Variants in MEGF11 observed in about 807,000 individuals in gnomAD.
MEGF11 encodes the protein multiple epidermal growth factor-like domains protein 11.
MEGF11 carries 126 observed loss-of-function variants against 146.6 expected under a neutral mutation model. The observed-to-expected ratio is 0.86, with a 90% CI of 0.74 to 1.00. The LOEUF (loss-of-function observed/expected upper bound fraction) is 1.00. MEGF11 is among the 50% of genes least tolerant of loss of function. The pLI, the probability that MEGF11 is intolerant of heterozygous loss-of-function variation, is 0.00. For synonymous variants in MEGF11, 532 were observed against 583.4 expected, an observed-to-expected ratio of 0.91 and a Z score of 1.27; for missense variants, 1,509 against 1,521.2, an observed-to-expected ratio of 0.99 and a Z score of 0.13.
intron 1 of MEGF11, among the ~76,000 whole-genome samples, chr15:66,137,560 T>TC (rs2088949186): frequency 4.3e-5 from 1 of 23,504 alleles, no homozygotes; most frequent in South Asian, 1.7e-3. Context: ...ACTTTCTTTC[T>TC]TTTTTTTTTT....
intron 5 of MEGF11, 76 bp downstream of exon 5, chr15:66,094,326 G>C (rs2086444304): frequency 7.9e-7 from 1 of 1,266,452 alleles, no homozygotes; most frequent in Non-Finnish European, 1.1e-6. Flanking sequence ...CAAAAATGTA[G>C]CATGCACACA....
At chr15:65,930,314 C>T (rs2079528918) in intron 11 of MEGF11, among the ~76,000 whole-genome samples, 1 of 152,232 alleles carries the variant, frequency 6.6e-6, no homozygotes, top group African/African-American at 2.4e-5. Flanking sequence ...GCAGGCTGCA[C>T]ATCCCAGGCT....
chr15:65,948,226 C>G (rs1413928752), intron 10 of MEGF11, among the ~76,000 whole-genome samples: 5 of 152,098 alleles, frequency 3.3e-5, no homozygotes, highest in Middle Eastern at 3.4e-3. Context: ...GAACAGTAGG[C>G]TGGGAGTCAT....
At chr15:66,075,527 C>T (rs578232847) in intron 5 of MEGF11, among the ~76,000 whole-genome samples, 8 of 152,252 alleles carry the variant, frequency 5.3e-5, no homozygotes, top group African/African-American at 1.9e-4. Flanking sequence ...AACAGGTGGC[C>T]CCAAGCCTCT....
chr15:66,230,327 T>C (rs118088610), intron 1 of MEGF11, among the ~76,000 whole-genome samples: 5 of 152,150 alleles, frequency 3.3e-5, no homozygotes, highest in Non-Finnish European at 7.4e-5. Flanking sequence ...ACCTTCTGTC[T>C]TACCTCCCCC....
intron 23 of MEGF11, 147 bp from the exon 24 acceptor site, chr15:65,906,288 G>A: frequency 1.6e-6 from 1 of 616,260 alleles, no homozygotes; most frequent in Non-Finnish European, 2.8e-6. Context: ...AATGATTCTG[G>A]GGGTTTAATC....
intron 5 of MEGF11, among the ~76,000 whole-genome samples, chr15:65,997,736 A>G (rs2082244344): frequency 6.6e-6 from 1 of 152,164 alleles, no homozygotes; most frequent in African/African-American, 2.4e-5. Flanking sequence ...ATGCTCAATA[A>G]ATATTTGCTG....
At chr15:66,137,838 C>T (rs1036472946) in intron 1 of MEGF11, among the ~76,000 whole-genome samples, 1 of 152,020 alleles carries the variant, frequency 6.6e-6, no homozygotes, top group African/African-American at 2.4e-5. Context: ...ATGAGCCACT[C>T]TGCCTAACCA....
At chr15:66,020,896 G>A (rs1301374518) in intron 5 of MEGF11, among the ~76,000 whole-genome samples, 1 of 151,872 alleles carries the variant, frequency 6.6e-6, no homozygotes, top group Non-Finnish European at 1.5e-5. Context: ...GGAGGCTGAG[G>A]CAGGAGAATG....
intron 10 of MEGF11, 40 bp downstream of exon 10, chr15:65,957,507 T>C (rs1323863884): frequency 1.3e-6 from 2 of 1,590,836 alleles, no homozygotes; most frequent in Non-Finnish European, 1.7e-6. Context: ...ACTGGCCCGG[T>C]GGAGGTCAGG....
Position 65,929,723 on chromosome 15 carries a change from G to T in MEGF11, c.1569C>A (p.Cys523Ter), listed in dbSNP as rs1237339883. Residue 523 changes from cysteine (C) to a stop codon, truncating the protein, a stop_gained, in exon 12 of 26, where the codon TGC becomes TGA. Transcript: ENST00000395614. LOFTEE classifies it high-confidence loss of function. ...GWLGDTCELP[C>*]PDGTFGLNCS... ...CCCTCCCCACCCTGGCACTCACCGG[G>T]CAAGGCAGCTCACAGGTGTCTCCCA... 2 of 1,551,058 alleles carry T rather than the reference G, an allele frequency of 1.3e-6. No individual in the cohort carries two copies. Among genetic ancestry groups the T allele is most frequent in the Non-Finnish European group, 1.7e-6 (2 of 1,146,646 alleles).
At chr15:66,157,877 T>A (rs1272235015) in intron 1 of MEGF11, among the ~76,000 whole-genome samples, 2 of 149,920 alleles carry the variant, frequency 1.3e-5, no homozygotes, top group Non-Finnish European at 2.9e-5. Flanking sequence ...TTGCAAAGTA[T>A]TTTTTTTAAT....
At chr15:66,126,208 G>A (rs896101273) in intron 2 of MEGF11, among the ~76,000 whole-genome samples, 27 of 152,148 alleles carry the variant, frequency 1.8e-4, no homozygotes, top group Admixed American at 1.4e-3. Flanking sequence ...TCCAGGGACC[G>A]GGGTGTGTTT....
intron 5 of MEGF11, among the ~76,000 whole-genome samples, chr15:66,075,851 T>C (rs570303656): frequency 6.7e-4 from 102 of 152,142 alleles, no homozygotes; most frequent in African/African-American, 2.4e-3. Flanking sequence ...ATAAAGGGAA[T>C]GAGATGAAGG....
intron 1 of MEGF11, among the ~76,000 whole-genome samples, chr15:66,160,427 C>G (rs928960811): frequency 6.6e-6 from 1 of 152,154 alleles, no homozygotes; most frequent in Non-Finnish European, 1.5e-5. Context: ...AACCACTTCA[C>G]CAGCATCAGA....
intron 1 of MEGF11, among the ~76,000 whole-genome samples, chr15:66,137,432 C>CTGTG (rs1476787086): frequency 6.6e-6 from 1 of 152,152 alleles, no homozygotes; most frequent in East Asian, 1.9e-4. Context: ...TTTATATAAA[C>CTGTG]TGTGTGTGCA....
intron 1 of MEGF11, among the ~76,000 whole-genome samples, chr15:66,189,619 G>T (rs549719096): frequency 6.6e-6 from 1 of 152,158 alleles, no homozygotes; most frequent in Non-Finnish European, 1.5e-5. Context: ...CACCACTGGA[G>T]TCTCATCCTG....
At chr15:66,232,434 C>G (rs575881926) in intron 1 of MEGF11, among the ~76,000 whole-genome samples, 302 of 152,254 alleles carry the variant, frequency 2.0e-3, no homozygotes, top group African/African-American at 6.9e-3. Flanking sequence ...TCCAAGTCCC[C>G]GGGGAGCTCT....
intron 8 of MEGF11, among the ~76,000 whole-genome samples, chr15:65,966,574 T>C (rs779569114): frequency 3.9e-5 from 6 of 152,294 alleles, no homozygotes; most frequent in Non-Finnish European, 7.4e-5. Context: ...TCTTCCTGCA[T>C]TGGACTATAG....
Sources: gnomAD v4.1 joint callset for allele counts (sites outside exome capture counted in the v4.1 genomes callset) on GRCh38, gnomAD v4.1.1 for gene constraint, MANE v1.5 for transcripts, NCBI Gene and HGNC (gene_info 2026-07-23, HGNC 2026-07-21) for gene names.